Variants in PHLPP1 observed in about 807,000 individuals in gnomAD.
PHLPP1 encodes the protein PH domain and leucine rich repeat protein phosphatase 1.
PHLPP1 carries 42 observed loss-of-function variants against 117.2 expected under a neutral mutation model. That is an observed-to-expected ratio of 0.36 (90% confidence interval 0.28 to 0.46). The LOEUF is 0.46. PHLPP1 is among the 20% of genes least tolerant of loss of function. The probability of loss-of-function intolerance (pLI) is 1.00; values close to 1 mark genes in which losing one functional copy is unlikely to be tolerated. For synonymous variants in PHLPP1, 1,042 were observed against 970.7 expected (o/e 1.07, Z -1.37); for missense variants, 2,084 against 2,241.9 (o/e 0.93, Z 1.42).
intron 9 of PHLPP1, among the ~76,000 whole-genome samples, chr18:62,915,305 C>T (rs484380): frequency 0.44 from 67,265 of 151,908 alleles, 15,360 homozygotes; most frequent in Middle Eastern, 0.56. Context: ...TATGATTGGC[C>T]CACTTCTGGA....
At chr18:62,724,988 GAA>G (rs938069775) in intron 1 of PHLPP1, among the ~76,000 whole-genome samples, 1 of 152,114 alleles carries the variant, frequency 6.6e-6, no homozygotes, top group South Asian at 2.1e-4. Context: ...AAAAGTGTTA[GAA>G]AAAAATCATT....
intron 10 of PHLPP1, among the ~76,000 whole-genome samples, chr18:62,929,267 A>T (rs1909736869): frequency 6.6e-6 from 1 of 152,234 alleles, no homozygotes; most frequent in Non-Finnish European, 1.5e-5. Context: ...AGTCACATGT[A>T]GCTTTTTAGG....
At chr18:62,776,187 A>G (rs1912951343) in intron 1 of PHLPP1, among the ~76,000 whole-genome samples, 1 of 152,244 alleles carries the variant, frequency 6.6e-6, no homozygotes. Flanking sequence ...TCTGTGCTAC[A>G]GTCTTGAGTT....
Position 62,962,980 on chromosome 18 carries a change from T to G in PHLPP1, c.3456-388T>G, listed in dbSNP as rs1387407003. Among the ~76,000 whole-genome samples, 3 of 152,164 alleles carry G rather than the reference T, an allele frequency of 2.0e-5. No individual in the cohort carries two copies. The East Asian group carries it at 5.8e-4, about 29-fold the overall frequency. On this transcript the variant is annotated intron_variant, in intron 13 of 16. Transcript: ENST00000262719. ...GCAGTATAATTGTGGCTTAGGTGTT[T>G]TGTTGTTGTTCTTTCTGAGTATTCA...
chr18:62,978,124 C>A lies in PHLPP1; in HGVS notation c.3985-138C>A, dbSNP rs1251212231. 3.3e-6 allele frequency: 2 copies of A among 602,978 alleles called. No individual in the cohort carries two copies. The highest frequency in any genetic ancestry group is 1.9e-5 in the African/African-American group (1 of 53,946). 37.4% of individuals were successfully genotyped at this position (602,978 alleles called of 1,614,324 possible). A position where few individuals can be genotyped will look rare whatever the true frequency, so the allele number is the denominator to read the frequency against. ...CATTAACTACTCACTACAGAGTGAGCCCTTCTTTCCTCTGTGGGCCACACA... is the reference window on the plus strand; with the variant it reads ...CATTAACTACTCACTACAGAGTGAGACCTTCTTTCCTCTGTGGGCCACACA... On this transcript the variant is annotated intron_variant, in intron 16 of 16. Transcript: ENST00000262719. The surrounding 1 kb of genome is among the most constrained non-coding windows in gnomAD (Gnocchi z 7.0).
At position 62,822,276 on chromosome 18, in the gene PHLPP1, T is replaced by TTTG. The variant is rs1555674707; in HGVS notation, c.1577-7757_1577-7756insGTT. 8.3e-5 allele frequency among the ~76,000 whole-genome samples: 12 copies of TTTG among 145,128 alleles called. 1 individual carries two copies. The East Asian group carries it at 1.0e-3, about 12-fold the overall frequency. ...CTGTAGAAAATAGTGTTTTTTTTTT[T>TTTG]TTTGTTTTTGTTTTTTTTTTTTTGA... On this transcript the variant is annotated intron_variant, in intron 1 of 16. Coordinates refer to ENST00000262719, the MANE Select transcript of PHLPP1 (RefSeq NM_194449.4).
In PHLPP1 at chr18:62,753,032, CAA is replaced by C. The variant is rs534051211; in HGVS notation, c.1576+35774_1576+35775del. ...AAAAATAGCTGTTTAAGGGTTATGACAAGAAGAATTCTGACATGTGGAACCCT... is the reference window on the plus strand; with the variant it reads ...AAAAATAGCTGTTTAAGGGTTATGACGAAGAATTCTGACATGTGGAACCCT... On this transcript the variant is annotated intron_variant, in intron 1 of 16. Coordinates refer to ENST00000262719, the MANE Select transcript of PHLPP1 (RefSeq NM_194449.4). Among the ~76,000 whole-genome samples the C allele has an allele frequency of 7.2e-5, 11 of 152,192 alleles. No homozygotes were observed. The East Asian group carries it at 2.1e-3, about 29-fold the overall frequency.
chr18:62,848,475 TTTTTTG>T (rs1915239044), intron 3 of PHLPP1, among the ~76,000 whole-genome samples: 1 of 145,954 alleles, frequency 6.9e-6, no homozygotes, highest in South Asian at 2.2e-4. Flanking sequence ...TTTTTTTTTT[TTTTTTG>T]AGACAGGGTC....
At chr18:62,840,994 A>G (rs916757685) in intron 3 of PHLPP1, among the ~76,000 whole-genome samples, 9 of 152,168 alleles carry the variant, frequency 5.9e-5, no homozygotes, top group African/African-American at 1.9e-4. Context: ...GGTTCAAGCA[A>G]TTCTCCTACC....
chr18:62,725,994 A>G, intron 1 of PHLPP1, among the ~76,000 whole-genome samples: 1 of 152,178 alleles, frequency 6.6e-6, no homozygotes, highest in Non-Finnish European at 1.5e-5. Context: ...GAGAGGTGGT[A>G]TGGCTGGGGT....
chr18:62,829,747 A>G (rs1914706287), intron 1 of PHLPP1, among the ~76,000 whole-genome samples: 1 of 152,138 alleles, frequency 6.6e-6, no homozygotes, highest in Admixed American at 6.5e-5. Flanking sequence ...GCGAAACTCC[A>G]TCTCAAAAAA....
intron 1 of PHLPP1, among the ~76,000 whole-genome samples, chr18:62,802,142 T>C (rs1913804599): frequency 6.6e-6 from 1 of 152,104 alleles, no homozygotes; most frequent in South Asian, 2.1e-4. Context: ...GAGCTACCCC[T>C]TTTTCCAGTT....
intron 1 of PHLPP1, among the ~76,000 whole-genome samples, chr18:62,765,529 G>A (rs1038221557): frequency 3.3e-5 from 5 of 152,200 alleles, no homozygotes; most frequent in African/African-American, 1.2e-4. Context: ...ATATCTTGAA[G>A]TACCCAAGGG....
At chr18:62,819,060 GTATT>G in intron 1 of PHLPP1, among the ~76,000 whole-genome samples, 1 of 152,292 alleles carries the variant, frequency 6.6e-6, no homozygotes, top group Non-Finnish European at 1.5e-5. Context: ...TGAGTTTTGA[GTATT>G]TATTACTGAA....
intron 10 of PHLPP1, among the ~76,000 whole-genome samples, chr18:62,934,388 G>A (rs559790054): frequency 2.6e-5 from 4 of 152,214 alleles, no homozygotes; most frequent in African/African-American, 9.6e-5. Context: ...ATACTACACA[G>A]CCATAAAAAA....
chr18:62,956,320 C>T (rs1158726488), intron 12 of PHLPP1, among the ~76,000 whole-genome samples: 1 of 152,152 alleles, frequency 6.6e-6, no homozygotes, highest in East Asian at 1.9e-4. Flanking sequence ...TTGTCAGGTG[C>T]AAAGAGTGAA....
At chr18:62,774,688 T>C (rs113132959) in intron 1 of PHLPP1, among the ~76,000 whole-genome samples, 35 of 152,246 alleles carry the variant, frequency 2.3e-4, no homozygotes, top group African/African-American at 7.7e-4. Context: ...TTCTTGACTT[T>C]CGTTTAGAAA....
intron 4 of PHLPP1, among the ~76,000 whole-genome samples, chr18:62,870,348 C>T (rs1915874092): frequency 6.6e-6 from 1 of 151,938 alleles, no homozygotes; most frequent in Admixed American, 6.6e-5. Flanking sequence ...TATTTAATAC[C>T]AGGAATTAAA....
At chr18:62,773,865 T>C (rs1912871171) in intron 1 of PHLPP1, among the ~76,000 whole-genome samples, 1 of 152,190 alleles carries the variant, frequency 6.6e-6, no homozygotes, top group African/African-American at 2.4e-5. Flanking sequence ...AGATTCCTTG[T>C]TGATGGAGGC....
Sources: gnomAD v4.1 joint callset for allele counts (sites outside exome capture counted in the v4.1 genomes callset) on GRCh38, gnomAD v4.1.1 for gene constraint, Gnocchi (gnomAD v3.1) non-coding constraint, MANE v1.5 for transcripts, NCBI Gene and HGNC (gene_info 2026-07-23, HGNC 2026-07-21) for gene names.